Variants in SMARCA2 observed in about 807,000 individuals in gnomAD.
The protein encoded by SMARCA2 is SWI/SNF related BAF chromatin remodeling complex subunit ATPase 2.
A neutral mutation model predicts 199.8 loss-of-function variants in SMARCA2; 61 were observed. That is an observed-to-expected ratio of 0.31 (90% CI 0.25 to 0.38). SMARCA2 has a LOEUF of 0.38. Ranked by LOEUF, SMARCA2 falls within the 10% of genes least tolerant of loss-of-function variation. The pLI, the probability that SMARCA2 is intolerant of heterozygous loss-of-function variation, is 1.00. For missense variants in SMARCA2, 1,344 were observed against 2,012.2 expected (o/e 0.67, Z 6.35); for synonymous variants, 935 against 732.0 (o/e 1.28, Z -4.48).
intron 18 of SMARCA2, among the ~76,000 whole-genome samples, chr9:2,087,951 C>T (rs1418246618): frequency 6.6e-6 from 1 of 152,150 alleles, no homozygotes; most frequent in Non-Finnish European, 1.5e-5. Context: ...ATGGACTAAA[C>T]TTGAACTAGA....
intron 21 of SMARCA2, among the ~76,000 whole-genome samples, chr9:2,099,313 T>C (rs1822405946): frequency 2.0e-5 from 3 of 152,204 alleles, no homozygotes; most frequent in Admixed American, 2.0e-4. Flanking sequence ...ACTGTCCCAT[T>C]TCTTCTGAAA....
intron 8 of SMARCA2, among the ~76,000 whole-genome samples, chr9:2,059,047 A>AT (rs1452399613): frequency 6.6e-6 from 1 of 152,124 alleles, no homozygotes; most frequent in Non-Finnish European, 1.5e-5. Flanking sequence ...TTGCACTGTT[A>AT]TTTTTTAATG....
intron 29 of SMARCA2, among the ~76,000 whole-genome samples, chr9:2,176,122 C>T (rs981184718): frequency 6.6e-6 from 1 of 150,832 alleles, no homozygotes; most frequent in Non-Finnish European, 1.5e-5. Flanking sequence ...CTCAGGTGAT[C>T]CACCTGCCTC....
chr9:2,051,190 C>T (rs754564257), intron 5 of SMARCA2, among the ~76,000 whole-genome samples: 1 of 152,198 alleles, frequency 6.6e-6, no homozygotes, highest in Non-Finnish European at 1.5e-5. Context: ...CCTCCTGTAC[C>T]TTTGCTTCTT....
At position 2,089,667 on chromosome 9, in the gene SMARCA2, G is replaced by A. The variant is rs577452402; in HGVS notation, c.2883+1054G>A. On this transcript the variant is annotated intron_variant, in intron 19 of 33. Coordinates refer to ENST00000349721, the MANE Select transcript of SMARCA2 (RefSeq NM_003070.5). The stretch of plus-strand genomic sequence containing the variant: ...TATTTAAGTATTTTATTCTGCTGGT[G>A]AATGCATCTTGGACGTAGAATGCTA... Among the ~76,000 whole-genome samples the A allele has an allele frequency of 2.6e-4, 40 of 152,288 alleles. No homozygotes were observed. In the South Asian group the frequency reaches 7.7e-3, roughly 29 times the overall value.
intron 27 of SMARCA2, among the ~76,000 whole-genome samples, chr9:2,126,268 A>C (rs1191457983): frequency 1.3e-5 from 2 of 152,260 alleles, no homozygotes; most frequent in African/African-American, 2.4e-5. Context: ...AAGTCATCCA[A>C]GAAGGACGAA....
chr9:2,178,030 A>AG (rs397893549), intron 29 of SMARCA2, among the ~76,000 whole-genome samples: 3 of 151,988 alleles, frequency 2.0e-5, no homozygotes, highest in African/African-American at 7.3e-5. Flanking sequence ...AAAAAAAAAA[A>AG]CGGTTCCCAG....
intron 27 of SMARCA2, among the ~76,000 whole-genome samples, chr9:2,146,609 T>G (rs1471175054): frequency 2.6e-5 from 4 of 152,084 alleles, no homozygotes; most frequent in Non-Finnish European, 5.9e-5. Context: ...AGAAAGCAAG[T>G]TTATTAGGAA....
At chr9:2,175,204 G>GAGAA (rs1353140523) in intron 29 of SMARCA2, among the ~76,000 whole-genome samples, 7 of 152,130 alleles carry the variant, frequency 4.6e-5, no homozygotes, top group Non-Finnish European at 1.0e-4. Flanking sequence ...AACGTCAAGT[G>GAGAA]AGAAAGAGGG....
At chr9:2,162,204 T>A (rs1395910895) in intron 28 of SMARCA2, among the ~76,000 whole-genome samples, 1 of 152,198 alleles carries the variant, frequency 6.6e-6, no homozygotes, top group East Asian at 1.9e-4. Flanking sequence ...AATGAAGATA[T>A]TTCAGATGAA....
rs759436205 is a variant in SMARCA2 at position 2,086,752 on chromosome 9, G to T, written c.2527-77G>T. The stretch of plus-strand genomic sequence containing the variant: ...CCAAGGATGGGTTCTTTGGTTTTCC[G>T]CACCACCACTTGCTTGTTGGAAATA... On this transcript the variant is annotated intron_variant, in intron 17 of 33. Coordinates refer to ENST00000349721, the MANE Select transcript of SMARCA2 (RefSeq NM_003070.5). The surrounding 1 kb of genome is among the most constrained non-coding windows in gnomAD (Gnocchi z 4.3). The T allele has an allele frequency of 4.5e-6, 7 of 1,545,222 alleles. No homozygotes were observed. The highest frequency in any genetic ancestry group is 5.3e-6 in the Non-Finnish European group (6 of 1,132,136).
At chr9:2,038,082 A>G (rs1162544381) in intron 3 of SMARCA2, among the ~76,000 whole-genome samples, 1 of 152,196 alleles carries the variant, frequency 6.6e-6, no homozygotes, top group African/African-American at 2.4e-5. Flanking sequence ...TTATATCACA[A>G]GTGGTTCTAG....
chr9:2,181,751 T>G, intron 30 of SMARCA2, 75 bp downstream of exon 30: 1 of 839,356 alleles, frequency 1.2e-6, no homozygotes, highest in East Asian at 2.5e-5. Context: ...ATGGTTGTAG[T>G]TGGAGCTGAC....
chr9:2,046,701 A>C (rs1586643832), intron 4 of SMARCA2, among the ~76,000 whole-genome samples: 6 of 152,272 alleles, frequency 3.9e-5, no homozygotes, highest in Admixed American at 3.9e-4. Context: ...TCAGATTGGG[A>C]TAGAGGTCTG....
chr9:2,087,326 G>A (rs1183981922), intron 18 of SMARCA2: 2 of 467,570 alleles, frequency 4.3e-6, no homozygotes, highest in East Asian at 7.9e-5. Context: ...ACCAGAAAAG[G>A]GTCCCAACCG....
chr9:2,160,500 C>A, intron 27 of SMARCA2: 2 of 600,898 alleles, frequency 3.3e-6, no homozygotes, highest in South Asian at 2.0e-5. Context: ...CTTTCTTTTT[C>A]AGGAAGCGTT....
intron 19 of SMARCA2, among the ~76,000 whole-genome samples, chr9:2,095,618 A>G (rs978208157): frequency 6.6e-6 from 1 of 152,204 alleles, no homozygotes; most frequent in Non-Finnish European, 1.5e-5. Flanking sequence ...CATTTGATGC[A>G]TGAAAATGTG....
intron 1 of SMARCA2, among the ~76,000 whole-genome samples, chr9:2,021,579 C>A (rs145024512): frequency 1.3e-5 from 2 of 152,000 alleles, no homozygotes; most frequent in East Asian, 1.9e-4. Flanking sequence ...TCCCATCTTC[C>A]CCCCTGTGCT....
chr9:2,111,821 CT>C (rs1823018823), intron 24 of SMARCA2, among the ~76,000 whole-genome samples: 1 of 152,268 alleles, frequency 6.6e-6, no homozygotes, highest in Non-Finnish European at 1.5e-5. Context: ...GAAATAGATT[CT>C]CATACAGATG....
Sources: allele counts gnomAD v4.1 joint callset (sites outside exome capture counted in the v4.1 genomes callset), GRCh38; gene constraint gnomAD v4.1.1; non-coding constraint Gnocchi (gnomAD v3.1); transcripts MANE v1.5; gene names NCBI Gene and HGNC (gene_info 2026-07-23, HGNC 2026-07-21).